The following L3MBTL3 variants were observed in gnomAD, a reference collection of about 807,000 sequenced individuals.
L3MBTL3 encodes L3MBTL histone methyl-lysine binding protein 3, also known as lethal(3)malignant brain tumor-like protein 3.
In L3MBTL3, 27 loss-of-function variants were observed where a neutral mutation model predicts 102.3. The observed-to-expected ratio is 0.26, with a 90% confidence interval of 0.19 to 0.36. The LOEUF (loss-of-function observed/expected upper bound fraction) is 0.36, where lower values mean the gene tolerates loss of function less well. L3MBTL3 is among the 10% of genes least tolerant of loss of function. The probability of loss-of-function intolerance (pLI) is 1.00; values close to 1 mark genes in which losing one functional copy is unlikely to be tolerated. For missense variants in L3MBTL3, 798 were observed against 955.3 expected (o/e 0.84, Z 2.17); for synonymous variants, 340 against 320.9 (o/e 1.06, Z -0.64).
At chr6:130,033,157 C>G (rs1430199556) in intron 2 of L3MBTL3, among the ~76,000 whole-genome samples, 2 of 152,074 alleles carry the variant, frequency 1.3e-5, no homozygotes, top group South Asian at 2.1e-4. Flanking sequence ...TGAGGATAAT[C>G]AAGGAAGCAT....
In L3MBTL3 at chr6:130,051,176, G is replaced by C. The variant is rs1259131966; in HGVS notation, c.290-73G>C. On this transcript the variant is annotated intron_variant, in intron 5 of 22. Transcript: ENST00000361794. ...TGTGTTGCTAACAAAATTATTAGAA[G>C]AAAAAGTTTGATTGTATTTTAGAAT... is the stretch of plus-strand genomic sequence containing the variant. 3 of 1,283,836 alleles carry C rather than the reference G, an allele frequency of 2.3e-6. No homozygotes were observed. In the African/African-American group the frequency reaches 4.5e-5, roughly 19 times the overall value. The allele number at this position is 1,283,836 out of a possible 1,614,324, so 79.5% of individuals were successfully genotyped here. A position where few individuals can be genotyped will look rare whatever the true frequency, so the allele number is the denominator to read the frequency against.
chr6:130,119,164 T>TA (rs532217930), intron 19 of L3MBTL3, among the ~76,000 whole-genome samples: 37 of 149,926 alleles, frequency 2.5e-4, no homozygotes, highest in South Asian at 4.2e-4. Flanking sequence ...TCTCTCTATT[T>TA]AAAAAAAAAA....
chr6:130,048,969 C>CAT (rs1475917395), intron 3 of L3MBTL3, among the ~76,000 whole-genome samples: 1 of 151,556 alleles, frequency 6.6e-6, no homozygotes, highest in Non-Finnish European at 1.5e-5. Context: ...CACACACACA[C>CAT]ATACACACAC....
intron 16 of L3MBTL3, among the ~76,000 whole-genome samples, chr6:130,086,816 C>T (rs1470512291): frequency 6.6e-6 from 1 of 152,172 alleles, no homozygotes; most frequent in African/African-American, 2.4e-5. Context: ...GAGCTCGTCT[C>T]TGTTTCTTAC....
intron 10 of L3MBTL3, among the ~76,000 whole-genome samples, chr6:130,064,183 A>G (rs527743760): frequency 6.6e-6 from 1 of 152,228 alleles, no homozygotes; most frequent in Non-Finnish European, 1.5e-5. Flanking sequence ...TGCAAAGGAT[A>G]TCAGGGCAGA....
chr6:130,073,262 A>G (rs979338888), intron 13 of L3MBTL3, among the ~76,000 whole-genome samples: 2 of 152,196 alleles, frequency 1.3e-5, no homozygotes, highest in South Asian at 2.1e-4. Context: ...TTTCAAAAAC[A>G]GTAAAGATTT....
intron 16 of L3MBTL3, among the ~76,000 whole-genome samples, chr6:130,088,674 C>T (rs1418496901): frequency 1.3e-5 from 2 of 152,126 alleles, no homozygotes; most frequent in Admixed American, 1.3e-4. Flanking sequence ...CTTCCCACTC[C>T]CCAGCCTGGC....
At chr6:130,021,885 C>G (rs1779041455) in intron 1 of L3MBTL3, among the ~76,000 whole-genome samples, 2 of 151,994 alleles carry the variant, frequency 1.3e-5, no homozygotes, top group Non-Finnish European at 2.9e-5. Flanking sequence ...TATTCTTTTT[C>G]CAGTGTGTTT....
At chr6:130,026,925 C>G (rs955944765) in intron 2 of L3MBTL3, among the ~76,000 whole-genome samples, 6 of 151,938 alleles carry the variant, frequency 3.9e-5, no homozygotes, top group Non-Finnish European at 8.8e-5. Context: ...TTAAGAGAGA[C>G]AATGGTGGGG....
chr6:130,078,961 A>AG (rs1339421139), intron 14 of L3MBTL3, among the ~76,000 whole-genome samples: 2 of 152,212 alleles, frequency 1.3e-5, no homozygotes, highest in African/African-American at 4.8e-5. Context: ...TGGAAAAAAA[A>AG]AAGTTCTGTT....
chr6:130,034,872 C>T (rs1479324948), intron 2 of L3MBTL3, among the ~76,000 whole-genome samples: 1 of 152,170 alleles, frequency 6.6e-6, no homozygotes, highest in African/African-American at 2.4e-5. Context: ...TGGTAGGAAC[C>T]ATAAATACGT....
chr6:130,038,132 C>T (rs1780175392), intron 2 of L3MBTL3, among the ~76,000 whole-genome samples: 1 of 151,922 alleles, frequency 6.6e-6, no homozygotes, highest in Non-Finnish European at 1.5e-5. Context: ...TTGAATATTC[C>T]TGTGTGTGTA....
chr6:130,075,644 C>G (rs941199262), intron 13 of L3MBTL3, among the ~76,000 whole-genome samples: 46 of 152,044 alleles, frequency 3.0e-4, no homozygotes, highest in African/African-American at 1.1e-3. Context: ...TGGATTATTG[C>G]TTAAGAGGAA....
chr6:130,139,223 A>G (rs1480364579), intron 22 of L3MBTL3, among the ~76,000 whole-genome samples: 3 of 151,720 alleles, frequency 2.0e-5, no homozygotes, highest in Non-Finnish European at 4.4e-5. Flanking sequence ...GAGTTATTTT[A>G]TGTCCACAAA....
chr6:130,086,219 C>G lies in L3MBTL3; in HGVS notation c.1487C>G (p.Thr496Ser). The change falls in exon 16 of 23, where the codon ACT becomes AGT. Residue 496 changes from threonine (T) to serine (S), a missense_variant. By Grantham distance (58) the Thr-to-Ser change is moderately conservative. Coordinates refer to ENST00000361794, the MANE Select transcript of L3MBTL3 (RefSeq NM_032438.4). ...KRNPMFIRVA[T>S]VADTDDHRVK... ...AACCCTATGTTTATTAGAGTAGCAACTGTGGCAGACACAGATGATCACCGG... is the reference window on the plus strand; with the variant it reads ...AACCCTATGTTTATTAGAGTAGCAAGTGTGGCAGACACAGATGATCACCGG... 1 of 1,612,094 alleles carries G rather than the reference C, an allele frequency of 6.2e-7. No individual in the cohort carries two copies. Among genetic ancestry groups the G allele is most frequent in the South Asian group, 1.1e-5 (1 of 90,804 alleles).
At chr6:130,097,925 G>A (rs908747629) in intron 18 of L3MBTL3, among the ~76,000 whole-genome samples, 2 of 152,074 alleles carry the variant, frequency 1.3e-5, no homozygotes, top group Non-Finnish European at 2.9e-5. Flanking sequence ...AAATTAGCCG[G>A]ATGTGGTGGT....
At chr6:130,098,868 T>C (rs908496619) in intron 18 of L3MBTL3, among the ~76,000 whole-genome samples, 314 of 139,958 alleles carry the variant, frequency 2.2e-3, no homozygotes, top group African/African-American at 5.9e-3. Context: ...TTTTTCTTTT[T>C]TTTTTTTTTT....
At chr6:130,054,219 A>C (rs1781307093) in intron 7 of L3MBTL3, among the ~76,000 whole-genome samples, 1 of 152,230 alleles carries the variant, frequency 6.6e-6, no homozygotes, top group African/African-American at 2.4e-5. Context: ...AATAAAAGGA[A>C]GTCTGGTCAC....
At chr6:130,061,232 G>T (rs1051677441) in intron 10 of L3MBTL3, among the ~76,000 whole-genome samples, 2 of 151,940 alleles carry the variant, frequency 1.3e-5, no homozygotes, top group African/African-American at 4.8e-5. Flanking sequence ...CTACAGGCGC[G>T]TGCCACCTTG....
Sources: gnomAD v4.1 joint callset for allele counts (sites outside exome capture counted in the v4.1 genomes callset) on GRCh38, gnomAD v4.1.1 for gene constraint, MANE v1.5 for transcripts, NCBI Gene and HGNC (gene_info 2026-07-23, HGNC 2026-07-21) for gene names.